The following ENTPD4 variants were observed in gnomAD, a reference collection of about 807,000 sequenced individuals.
ENTPD4 encodes Golgi UDPase.
In ENTPD4, 60 loss-of-function variants were observed where a neutral mutation model predicts 79.1. That is an observed-to-expected ratio of 0.76 (90% confidence interval 0.62 to 0.94). The LOEUF is 0.94. Ranked by LOEUF, ENTPD4 falls within the 40% of genes least tolerant of loss-of-function variation. The probability of loss-of-function intolerance (pLI) is 0.00; values close to 1 mark genes in which losing one functional copy is unlikely to be tolerated. For missense variants in ENTPD4, 772 were observed against 775.1 expected, an observed-to-expected ratio of 1.00 and a Z score of 0.05; for synonymous variants, 276 against 292.0, an observed-to-expected ratio of 0.95 and a Z score of 0.56.
chr8:23,434,528 A>G (rs1353250814), intron 11 of ENTPD4, 50 bp from the exon 12 acceptor site: 1 of 1,604,522 alleles, frequency 6.2e-7, no homozygotes, highest in Non-Finnish European at 8.5e-7. Flanking sequence ...CTCTGTCAAG[A>G]TGGCACACAC....
At chr8:23,441,310 A>C in intron 8 of ENTPD4, 1 of 471,492 alleles carries the variant, frequency 2.1e-6, no homozygotes, top group Non-Finnish European at 2.8e-6. Context: ...ATATAAACTG[A>C]AACTCAAGCA....
At chr8:23,434,243 C>A in intron 12 of ENTPD4, 74 bp downstream of exon 12, 1 of 1,565,498 alleles carries the variant, frequency 6.4e-7, no homozygotes, top group Admixed American at 1.7e-5. Flanking sequence ...CAGCCACAGA[C>A]CACAGCTGCC....
At chr8:23,447,968 GTC>G in intron 3 of ENTPD4, 83 bp from the exon 4 acceptor site, 1 of 1,107,270 alleles carries the variant, frequency 9.0e-7, no homozygotes, top group South Asian at 1.3e-5. Context: ...CAAATACCAA[GTC>G]AGTAATTTCT....
intron 4 of ENTPD4, among the ~76,000 whole-genome samples, chr8:23,446,410 A>G (rs1437809979): frequency 1.3e-5 from 2 of 152,240 alleles, no homozygotes. Context: ...TTATTTGATC[A>G]ATATTACTTT....
In ENTPD4 at chr8:23,432,740, C is replaced by A. The variant is rs144973738; in HGVS notation, c.*186G>T. ...GTCTCGATCTCCTGACCTCATGATC[C>A]GCCCGCCTCGGCCTCCCAAAGTGCT... On this transcript the variant is annotated 3_prime_UTR_variant, in exon 13 of 13. Transcript: ENST00000358689. 71 of 1,301,312 alleles carry A rather than the reference C, an allele frequency of 5.5e-5. 1 individual carries two copies. The South Asian group carries it at 1.1e-3, about 21-fold the overall frequency. 80.6% of individuals were successfully genotyped at this position (1,301,312 alleles called of 1,614,324 possible).
chr8:23,441,818 A>G, intron 7 of ENTPD4, 95 bp from the exon 8 acceptor site: 1 of 1,417,198 alleles, frequency 7.1e-7, no homozygotes, highest in Non-Finnish European at 9.7e-7. Flanking sequence ...TATTTCAAGC[A>G]TATTCAGGCA....
At chr8:23,441,040 C>A (rs1406404270) in intron 8 of ENTPD4, among the ~76,000 whole-genome samples, 1 of 152,204 alleles carries the variant, frequency 6.6e-6, no homozygotes, top group African/African-American at 2.4e-5. Context: ...AGAAATACAT[C>A]TGGAAACCGT....
At chr8:23,440,107 A>G (rs1017932030) in intron 8 of ENTPD4, 192 bp from the exon 9 acceptor site, 3 of 540,566 alleles carry the variant, frequency 5.5e-6, no homozygotes, top group Non-Finnish European at 9.8e-6. Context: ...TGGGCTGCAA[A>G]TTTGTGATAC....
intron 3 of ENTPD4, among the ~76,000 whole-genome samples, chr8:23,448,189 T>G (rs1800796425): frequency 6.6e-6 from 1 of 152,238 alleles, no homozygotes; most frequent in African/African-American, 2.4e-5. Flanking sequence ...GAGACGCTTA[T>G]GTATAAATAA....
rs1800667213 is a variant in ENTPD4, at chr8:23,441,426, T to C, written c.882+143A>G. 1.6e-5 allele frequency: 24 copies of C among 1,470,766 alleles called. 1 individual carries two copies. In the South Asian group the frequency reaches 3.2e-4, roughly 20 times the overall value. 91.1% of individuals were successfully genotyped at this position (1,470,766 alleles called of 1,614,324 possible). On this transcript the variant is annotated intron_variant, in intron 8 of 12. Coordinates refer to ENST00000358689, the MANE Select transcript of ENTPD4 (RefSeq NM_004901.5). The stretch of plus-strand genomic sequence containing the variant: ...CAGCTGAGGTCTGCCTTGTTCGTCC[T>C]GTCTCCTTTCTCCTGGGTTGAGAGG...
intron 2 of ENTPD4, among the ~76,000 whole-genome samples, chr8:23,449,588 G>A (rs960678295): frequency 6.6e-6 from 1 of 152,084 alleles, no homozygotes; most frequent in African/African-American, 2.4e-5. Context: ...AAATAATCAA[G>A]AACTTTTCCC....
At chr8:23,457,286 G>A (rs1800975924) in intron 1 of ENTPD4, among the ~76,000 whole-genome samples, 1 of 151,874 alleles carries the variant, frequency 6.6e-6, no homozygotes, top group South Asian at 2.1e-4. Flanking sequence ...CACCCGAGGC[G>A]CGCGACCGCC....
chr8:23,434,146 G>T, intron 12 of ENTPD4, 171 bp downstream of exon 12: 1 of 739,212 alleles, frequency 1.4e-6, no homozygotes, highest in Non-Finnish European at 2.3e-6. Flanking sequence ...AAGGGAGGAA[G>T]CACTTGTGGG....
At chr8:23,444,350 C>T (rs1355787913) in intron 5 of ENTPD4, 106 bp downstream of exon 5, 1 of 997,088 alleles carries the variant, frequency 1.0e-6, no homozygotes, top group East Asian at 2.4e-5. Flanking sequence ...ATTTTCCTTT[C>T]AATGATGATG....
chr8:23,434,359 G>A lies in ENTPD4; in HGVS notation c.1580C>T (p.Thr527Ile). ...LQVYDKEVQW[T>I]LGAILYRTRF... is the part of the protein sequence containing the mutation. ...GGTCCTGTAGAGGATGGCTCCAAGG[G>A]TCCACTGAACCTCCTTGTCGTAAAC... Residue 527 changes from threonine to isoleucine, a missense_variant, in exon 12 of 13, where the codon ACC becomes ATC. Coordinates refer to ENST00000358689, the MANE Select transcript of ENTPD4 (RefSeq NM_004901.5). The A allele has an allele frequency of 1.2e-6, 2 of 1,614,174 alleles. No individual in the cohort carries two copies. The highest frequency in any genetic ancestry group is 8.5e-7 in the Non-Finnish European group (1 of 1,180,030).
intron 2 of ENTPD4, 116 bp from the exon 3 acceptor site, chr8:23,449,055 G>C (rs1427002057): frequency 1.3e-6 from 1 of 765,456 alleles, no homozygotes; most frequent in Non-Finnish European, 2.1e-6. Context: ...CCTAACTGTA[G>C]GTATCTGTAT....
intron 10 of ENTPD4, among the ~76,000 whole-genome samples, chr8:23,436,652 A>G (rs1800566309): frequency 6.6e-6 from 1 of 152,214 alleles, no homozygotes; most frequent in Non-Finnish European, 1.5e-5. Flanking sequence ...GAATTGTCAC[A>G]TGCAGCAAAG....
chr8:23,449,982 C>G lies in ENTPD4; in HGVS notation c.-82G>C. The G allele has an allele frequency of 1.3e-6, 2 of 1,577,644 alleles. No homozygotes were observed. Among genetic ancestry groups the G allele is most frequent in the South Asian group, 1.1e-5 (1 of 90,266 alleles). On this transcript the variant is annotated 5_prime_UTR_variant, in exon 2 of 13. Transcript: ENST00000358689. ...TATAGAAATAATGCTGGGGTCCTCA[C>G]GGAGTTAGAGCCCTCCTGTTCCAGG...
At chr8:23,439,701 A>G in intron 9 of ENTPD4, 48 bp downstream of exon 9, 1 of 1,582,310 alleles carries the variant, frequency 6.3e-7, no homozygotes, top group Non-Finnish European at 8.7e-7. Context: ...TTTTATGAGG[A>G]GAGACCTAGG....
Sources: gnomAD v4.1 joint callset for allele counts (sites outside exome capture counted in the v4.1 genomes callset) on GRCh38, gnomAD v4.1.1 for gene constraint, MANE v1.5 for transcripts, NCBI Gene and HGNC (gene_info 2026-07-23, HGNC 2026-07-21) for gene names.